The following CALD1 variants were observed in gnomAD, a reference collection of about 807,000 sequenced individuals.
CALD1 encodes caldesmon.
A neutral mutation model predicts 99.9 loss-of-function variants in CALD1; 33 were observed. The ratio of observed to expected loss-of-function variants is 0.33; its 90% confidence interval spans 0.25 to 0.44. The LOEUF (loss-of-function observed/expected upper bound fraction) is 0.44. CALD1 is among the 20% of genes least tolerant of loss of function. CALD1 has a pLI of 1.00. For missense variants in CALD1, 861 were observed against 962.1 expected, an observed-to-expected ratio of 0.89 and a Z score of 1.39; for synonymous variants, 310 against 325.0, an observed-to-expected ratio of 0.95 and a Z score of 0.50.
chr7:134,912,513 A>G (rs1212929279), intron 3 of CALD1, among the ~76,000 whole-genome samples: 1 of 152,218 alleles, frequency 6.6e-6, no homozygotes, highest in African/African-American at 2.4e-5. Flanking sequence ...CTCAGCTCAC[A>G]CTTTACCTGT....
At chr7:134,960,858 G>A (rs544141457) in intron 13 of CALD1, 5 of 353,620 alleles carry the variant, frequency 1.4e-5, no homozygotes, top group Non-Finnish European at 1.5e-5. Flanking sequence ...CCCTAACTGA[G>A]AGGAGGAATC....
chr7:134,944,884 G>C (rs1267669512), intron 7 of CALD1, among the ~76,000 whole-genome samples: 1 of 152,198 alleles, frequency 6.6e-6, no homozygotes, highest in Non-Finnish European at 1.5e-5. Context: ...CTCTGTGTTA[G>C]TGAAAACTCT....
chr7:134,947,471 A>G, intron 7 of CALD1, 37 bp from the exon 8 acceptor site: 1 of 1,546,712 alleles, frequency 6.5e-7, no homozygotes, highest in Non-Finnish European at 8.7e-7. Flanking sequence ...TACAGGCAAA[A>G]GCATGTAAAC....
intron 3 of CALD1, among the ~76,000 whole-genome samples, chr7:134,897,993 C>T (rs1586238950): frequency 6.6e-6 from 1 of 152,194 alleles, no homozygotes; most frequent in African/African-American, 2.4e-5. Context: ...TCCACTATCT[C>T]GGCTCACTGC....
chr7:134,727,865 A>G, the CALD1 span, among the ~76,000 whole-genome samples: 1 of 152,186 alleles, frequency 6.6e-6, no homozygotes, highest in African/African-American at 2.4e-5. Context: ...CCTAGTGCAG[A>G]AGAAGCTCGG....
intron 13 of CALD1, among the ~76,000 whole-genome samples, chr7:134,963,960 A>G (rs1033571172): frequency 6.6e-6 from 1 of 152,184 alleles, no homozygotes; most frequent in Non-Finnish European, 1.5e-5. Context: ...GCACTTTGAG[A>G]GGCTGAGGCG....
chr7:134,957,173 C>T (rs139133584), intron 9 of CALD1, among the ~76,000 whole-genome samples: 8 of 152,236 alleles, frequency 5.3e-5, no homozygotes, highest in East Asian at 1.9e-4. Flanking sequence ...CCGCCTTTTA[C>T]GTTCCAAGGC....
intron 4 of CALD1, among the ~76,000 whole-genome samples, chr7:134,932,547 G>A (rs1031892894): frequency 6.6e-6 from 1 of 152,208 alleles, no homozygotes; most frequent in Admixed American, 6.5e-5. Flanking sequence ...GGGAAGGTAA[G>A]ACAGAAAAGG....
At chr7:134,749,745 G>A (rs1033824526) in intron 1 of CALD1, among the ~76,000 whole-genome samples, 8 of 152,252 alleles carry the variant, frequency 5.3e-5, no homozygotes, top group African/African-American at 9.6e-5. Flanking sequence ...ATTCTGTTTC[G>A]CCAAAACTAC....
chr7:134,904,380 A>G (rs1414103610), intron 3 of CALD1, among the ~76,000 whole-genome samples: 1 of 151,764 alleles, frequency 6.6e-6, no homozygotes, highest in African/African-American at 2.4e-5. Flanking sequence ...CAGGAGTTTG[A>G]GACTAGCCTG....
the CALD1 span, among the ~76,000 whole-genome samples, chr7:134,738,284 C>T: frequency 6.6e-6 from 1 of 152,108 alleles, no homozygotes; most frequent in African/African-American, 2.4e-5. Context: ...CTGTGATTTC[C>T]CCTTCTTTCT....
At chr7:134,808,567 A>C (rs1173714339) in intron 1 of CALD1, among the ~76,000 whole-genome samples, 1 of 152,210 alleles carries the variant, frequency 6.6e-6, no homozygotes, top group African/African-American at 2.4e-5. Flanking sequence ...AGAATCCTAG[A>C]TCTATGGCAC....
In CALD1 at chr7:134,783,042, G is replaced by A. The variant is rs1797168718; in HGVS notation, c.-130+3293G>A. Among the ~76,000 whole-genome samples, 1 of 152,188 alleles carries A rather than the reference G, an allele frequency of 6.6e-6. No individual in the cohort carries two copies. The highest frequency in any genetic ancestry group is 1.5e-5 in the Non-Finnish European group (1 of 68,030). Reference sequence around the variant, plus strand: ...TTGAGCATAAGACCAGTGAGAAAGTGCTGACAACAGAAAGCCCTTAAGTAA... The same window carrying A: ...TTGAGCATAAGACCAGTGAGAAAGTACTGACAACAGAAAGCCCTTAAGTAA... On this transcript the variant is annotated intron_variant, in intron 1 of 14. Transcript: ENST00000361675. The surrounding 1 kb of genome is among the most constrained non-coding windows in gnomAD (Gnocchi z 4.3).
At chr7:134,965,055 G>A (rs1037403473) in intron 13 of CALD1, among the ~76,000 whole-genome samples, 2 of 152,026 alleles carry the variant, frequency 1.3e-5, no homozygotes, top group South Asian at 2.1e-4. Context: ...GATGGAGGTC[G>A]CAGTGAGCCA....
intron 3 of CALD1, chr7:134,891,723 A>C: frequency 9.4e-7 from 1 of 1,059,478 alleles, no homozygotes; most frequent in Non-Finnish European, 1.3e-6. Flanking sequence ...TTTTTTTTTT[A>C]TAAAAAACAA....
chr7:134,946,526 C>G (rs1806882193), intron 7 of CALD1, among the ~76,000 whole-genome samples: 1 of 152,172 alleles, frequency 6.6e-6, no homozygotes, highest in African/African-American at 2.4e-5. Context: ...AGTTCTATTT[C>G]TGTCTCTATG....
At chr7:134,812,892 G>C (rs1798408123) in intron 1 of CALD1, among the ~76,000 whole-genome samples, 1 of 152,152 alleles carries the variant, frequency 6.6e-6, no homozygotes, top group Non-Finnish European at 1.5e-5. Context: ...TTATTAGATA[G>C]AGGAGCTCAG....
At chr7:134,886,601 T>G (rs1004025557) in intron 3 of CALD1, among the ~76,000 whole-genome samples, 1 of 152,204 alleles carries the variant, frequency 6.6e-6, no homozygotes, top group African/African-American at 2.4e-5. Context: ...AGGCTGATAT[T>G]AAAAGGATGG....
chr7:134,932,893 G>A, intron 4 of CALD1, 95 bp from the exon 5 acceptor site: 1 of 771,134 alleles, frequency 1.3e-6, no homozygotes, highest in Non-Finnish European at 2.1e-6. Flanking sequence ...GGCACTACTG[G>A]CATCTGCTGT....
Sources: gnomAD v4.1 joint callset for allele counts (sites outside exome capture counted in the v4.1 genomes callset) on GRCh38, gnomAD v4.1.1 for gene constraint, Gnocchi (gnomAD v3.1) non-coding constraint, MANE v1.5 for transcripts, NCBI Gene and HGNC (gene_info 2026-07-23, HGNC 2026-07-21) for gene names.